The following AGBL4 variants were observed in gnomAD, a reference collection of about 807,000 sequenced individuals.
AGBL4 encodes the protein cytosolic carboxypeptidase 6.
Under a neutral mutation model 66.4 loss-of-function variants are expected in AGBL4, and 58 were observed. That is an observed-to-expected ratio of 0.87 (90% CI 0.71 to 1.09). The LOEUF (loss-of-function observed/expected upper bound fraction) is 1.09. AGBL4 is among the 50% of genes least tolerant of loss of function. The probability of loss-of-function intolerance (pLI) is 0.00; values close to 1 mark genes in which losing one functional copy is unlikely to be tolerated. For missense variants in AGBL4, 579 were observed against 631.0 expected, an observed-to-expected ratio of 0.92 and a Z score of 0.88; for synonymous variants, 234 against 222.9, an observed-to-expected ratio of 1.05 and a Z score of -0.44.
intron 3 of AGBL4, among the ~76,000 whole-genome samples, chr1:49,508,113 A>G (rs1453099427): frequency 6.6e-6 from 1 of 151,974 alleles, no homozygotes; most frequent in African/African-American, 2.4e-5. Context: ...AGATTAAACA[A>G]TCAATATTTT....
downstream of AGBL4, among the ~76,000 whole-genome samples, chr1:48,530,775 G>A (rs1352865289): frequency 6.6e-6 from 1 of 152,172 alleles, no homozygotes; most frequent in African/African-American, 2.4e-5. Context: ...GACCTGTCAT[G>A]ATCCCTCTCC....
At chr1:48,733,837 C>A (rs1214913036) in intron 6 of AGBL4, among the ~76,000 whole-genome samples, 1 of 152,206 alleles carries the variant, frequency 6.6e-6, no homozygotes, top group East Asian at 1.9e-4. Flanking sequence ...CCTTCGTTTA[C>A]TGAGTGCCTA....
intron 4 of AGBL4, among the ~76,000 whole-genome samples, chr1:49,051,209 C>A (rs1207146824): frequency 6.6e-6 from 1 of 152,032 alleles, no homozygotes; most frequent in Non-Finnish European, 1.5e-5. Context: ...TCATTCTTTC[C>A]AGGTTGTAAG....
intron 3 of AGBL4, among the ~76,000 whole-genome samples, chr1:49,451,325 A>G (rs1646273493): frequency 6.6e-6 from 1 of 152,040 alleles, no homozygotes; most frequent in African/African-American, 2.4e-5. Context: ...ATTCCTATTC[A>G]AGCATAATTG....
chr1:48,898,451 C>T (rs1651752477), intron 5 of AGBL4, among the ~76,000 whole-genome samples: 1 of 152,114 alleles, frequency 6.6e-6, no homozygotes, highest in Non-Finnish European at 1.5e-5. Context: ...AGATTTAAGC[C>T]TTTAATCCAT....
intron 3 of AGBL4, among the ~76,000 whole-genome samples, chr1:49,533,493 G>A (rs1651308388): frequency 6.6e-6 from 1 of 152,034 alleles, no homozygotes; most frequent in African/African-American, 2.4e-5. Context: ...CCCAGCTACA[G>A]AGAAGCTTCA....
intron 2 of AGBL4, among the ~76,000 whole-genome samples, chr1:49,819,118 T>C (rs1645302736): frequency 6.6e-6 from 1 of 152,192 alleles, no homozygotes; most frequent in South Asian, 2.1e-4. Context: ...ATATAATAGA[T>C]GATCAATACT....
chr1:49,112,254 A>C (rs1376782927), intron 4 of AGBL4, among the ~76,000 whole-genome samples: 1 of 152,212 alleles, frequency 6.6e-6, no homozygotes, highest in Non-Finnish European at 1.5e-5. Flanking sequence ...TAGTGATAGA[A>C]ATAGAGTTCC....
intron 2 of AGBL4, among the ~76,000 whole-genome samples, chr1:49,749,106 G>A (rs914672709): frequency 6.6e-6 from 1 of 152,154 alleles, no homozygotes; most frequent in African/African-American, 2.4e-5. Context: ...GAATGGTATT[G>A]CCTAGGTTTT....
At chr1:49,408,971 C>T (rs1645260909) in intron 3 of AGBL4, among the ~76,000 whole-genome samples, 1 of 152,106 alleles carries the variant, frequency 6.6e-6, no homozygotes. Flanking sequence ...GAGGTGAGAG[C>T]AGAGATGAAA....
At chr1:48,757,898 A>G (rs1003637990) in intron 6 of AGBL4, among the ~76,000 whole-genome samples, 1 of 152,188 alleles carries the variant, frequency 6.6e-6, no homozygotes, top group Non-Finnish European at 1.5e-5. Context: ...GGGGCTATGG[A>G]GGCAAAGAAC....
rs879532423 is a variant in AGBL4 at position 49,207,468 on chromosome 1, C to CTTTTTCTTTCTTTCTTT, written c.377+38301_377+38302insAAAGAAAGAAAGAAAAA. Among the ~76,000 whole-genome samples the CTTTTTCTTTCTTTCTTT allele has an allele frequency of 3.4e-3, 46 of 13,682 alleles. 1 individual carries two copies. In the East Asian group the frequency reaches 0.043, roughly 13 times the overall value. 9.0% of individuals were successfully genotyped at this position (13,682 alleles called of 152,430 possible). On this transcript the variant is annotated intron_variant, in intron 4 of 13. Transcript: ENST00000371839. ...TTTCTTTCTTTCTTTTTCTTTCTTT[C>CTTTTTCTTTCTTTCTTT]TCTTTCTTTCTTTTTCTTTCTTTCT...
chr1:49,550,333 G>A (rs903373315), intron 3 of AGBL4, among the ~76,000 whole-genome samples: 1 of 152,136 alleles, frequency 6.6e-6, no homozygotes, highest in Admixed American at 6.5e-5. Flanking sequence ...TTTGTTGCCT[G>A]TGTACTTTGA....
At chr1:48,710,089 A>G (rs1007732525) in intron 6 of AGBL4, among the ~76,000 whole-genome samples, 4 of 152,200 alleles carry the variant, frequency 2.6e-5, no homozygotes, top group African/African-American at 9.7e-5. Flanking sequence ...AGTCTCCAAC[A>G]GTGGCAATCC....
chr1:49,224,182 T>C (rs1374304418), intron 4 of AGBL4, among the ~76,000 whole-genome samples: 2 of 152,158 alleles, frequency 1.3e-5, no homozygotes, highest in African/African-American at 4.8e-5. Context: ...TCTTTCTCAT[T>C]GGGAAGTCTA....
rs375258015 is a variant in AGBL4 at position 49,305,453 on chromosome 1, A to C, written c.283-59589T>G. 2.0e-5 allele frequency among the ~76,000 whole-genome samples: 3 copies of C among 152,156 alleles called. No individual in the cohort carries two copies. The East Asian group carries it at 5.8e-4, about 29-fold the overall frequency. On this transcript the variant is annotated intron_variant, in intron 3 of 13. Coordinates refer to ENST00000371839, the MANE Select transcript of AGBL4 (RefSeq NM_032785.4). ...CAAAAACACGAGTTTCACATGCCTC[A>C]AATACTGTATTTTCTATCCATGTTT...
chr1:49,204,080 T>C (rs1291512044), intron 4 of AGBL4, among the ~76,000 whole-genome samples: 1 of 152,008 alleles, frequency 6.6e-6, no homozygotes, highest in Non-Finnish European at 1.5e-5. Flanking sequence ...GGTAGGAATA[T>C]AGAAGCCATT....
intron 5 of AGBL4, among the ~76,000 whole-genome samples, chr1:48,904,508 A>T (rs1652398992): frequency 6.6e-6 from 1 of 152,186 alleles, no homozygotes. Context: ...TGTCTTCAGA[A>T]GGCAGTTTAG....
chr1:48,854,644 A>G (rs1332924558), intron 6 of AGBL4, among the ~76,000 whole-genome samples: 1 of 152,108 alleles, frequency 6.6e-6, no homozygotes, highest in African/African-American at 2.4e-5. Flanking sequence ...TTATCCCCCA[A>G]TTTCAGGGGT....
Sources: allele counts gnomAD v4.1 joint callset (sites outside exome capture counted in the v4.1 genomes callset), GRCh38; gene constraint gnomAD v4.1.1; transcripts MANE v1.5; gene names NCBI Gene and HGNC (gene_info 2026-07-23, HGNC 2026-07-21).